The following LRP6 variants were observed in gnomAD, a reference collection of about 807,000 sequenced individuals.
The protein encoded by LRP6 is LDL receptor related protein 6.
LRP6 carries 43 observed loss-of-function variants against 184.1 expected under a neutral mutation model. That is an observed-to-expected ratio of 0.23 (90% confidence interval 0.18 to 0.30). LRP6 has a LOEUF of 0.30. Among genes scored for constraint, LRP6 ranks in the 10% least tolerant of loss-of-function variants. LRP6 has a pLI of 1.00. For missense variants in LRP6, 1,571 were observed against 2,005.3 expected (o/e 0.78, Z 4.14); for synonymous variants, 719 against 684.9 (o/e 1.05, Z -0.78).
At chr12:12,142,683 A>C (rs577540044) in intron 15 of LRP6, among the ~76,000 whole-genome samples, 84 of 152,294 alleles carry the variant, frequency 5.5e-4, no homozygotes, top group Middle Eastern at 3.4e-3. Context: ...ATTATAAGGT[A>C]ATCCTTCTCA....
chr12:12,147,252 T>C, intron 15 of LRP6, 114 bp downstream of exon 15: 2 of 1,174,420 alleles, frequency 1.7e-6, no homozygotes, highest in Non-Finnish European at 2.5e-6. Flanking sequence ...TGACTACATT[T>C]AATGAATAAA....
chr12:12,189,786 C>A (rs1863564794), intron 3 of LRP6, among the ~76,000 whole-genome samples: 1 of 152,210 alleles, frequency 6.6e-6, no homozygotes, highest in African/African-American at 2.4e-5. Flanking sequence ...CAGGCGTGAG[C>A]CACCGAGCCC....
chr12:12,202,404 G>A (rs1863938145), intron 3 of LRP6, among the ~76,000 whole-genome samples: 1 of 152,214 alleles, frequency 6.6e-6, no homozygotes. Context: ...TTAGCCCGGT[G>A]TGATGGCGTG....
chr12:12,116,388 G>C lies in LRP6; in HGVS notation c.*4738C>G, dbSNP rs1397370530. The C allele has an allele frequency of 6.6e-6, 1 of 152,062 alleles. No homozygotes were observed. Among genetic ancestry groups the C allele is most frequent in the Non-Finnish European group, 1.5e-5 (1 of 68,002 alleles). 9.4% of individuals were successfully genotyped at this position (152,062 alleles called of 1,614,324 possible). A position where few individuals can be genotyped will look rare whatever the true frequency, so the allele number is the denominator to read the frequency against. ...AAGGCTAGTCCAGTTTAATCTTCTT[G>C]GTATCCTCTCTACTTTTTAACATTT... is the stretch of plus-strand genomic sequence containing the variant. On this transcript the variant is annotated 3_prime_UTR_variant, in exon 23 of 23. Transcript: ENST00000261349.
intron 1 of LRP6, among the ~76,000 whole-genome samples, chr12:12,245,156 T>C (rs1865154922): frequency 6.6e-6 from 1 of 152,234 alleles, no homozygotes; most frequent in Non-Finnish European, 1.5e-5. Context: ...CAAATGCTCA[T>C]ACCAATTTAT....
chr12:12,256,532 G>C (rs1484533744), intron 1 of LRP6, among the ~76,000 whole-genome samples: 2 of 152,002 alleles, frequency 1.3e-5, no homozygotes, highest in Non-Finnish European at 2.9e-5. Context: ...ACATAGGCCA[G>C]AGTGGTGGCT....
Position 12,151,014 on chromosome 12 carries a change from C to T in LRP6, c.2816G>A (p.Ser939Asn). The T allele has an allele frequency of 6.2e-7, 1 of 1,614,100 alleles. No homozygotes were observed. Among genetic ancestry groups the T allele is most frequent in the Non-Finnish European group, 8.5e-7 (1 of 1,180,006 alleles). Residue 939 changes from serine (S) to asparagine (N), a missense_variant, in exon 13 of 23, where the codon AGT (serine) becomes AAT (asparagine). This residue lies in a region of LRP6 where 763 missense variants were observed against 859.5 expected (regional missense o/e 0.89). Coordinates refer to ENST00000261349, the MANE Select transcript of LRP6 (RefSeq NM_002336.3). The part of the protein sequence containing the change: ...CSAPTTFLLF[S>N]QKSAINRMVI... ...CATGCGGTTGATGGCACTCTTTTGACTGAAGAGCAGGAAAGTCGTAGGAGC... is the reference window on the plus strand; with the variant it reads ...CATGCGGTTGATGGCACTCTTTTGATTGAAGAGCAGGAAAGTCGTAGGAGC...
intron 15 of LRP6, among the ~76,000 whole-genome samples, chr12:12,147,005 A>C (rs1164118989): frequency 6.6e-6 from 1 of 152,208 alleles, no homozygotes; most frequent in Non-Finnish European, 1.5e-5. Flanking sequence ...AGAAAAAATT[A>C]GCTGGGCGCA....
intron 7 of LRP6, among the ~76,000 whole-genome samples, chr12:12,173,765 T>C (rs1863105536): frequency 6.6e-6 from 1 of 152,154 alleles, no homozygotes; most frequent in Non-Finnish European, 1.5e-5. Flanking sequence ...GGATTACAAG[T>C]GTGAGCCACT....
chr12:12,237,385 G>A lies in LRP6; in HGVS notation c.449+6877C>T, dbSNP rs771446582. On this transcript the variant is annotated intron_variant, in intron 2 of 22. Transcript: ENST00000261349. ...AAGGAATAATGGAACTAGAAAAATC[G>A]CTATTTGGCAAACAGCAAACATCAC... Among the ~76,000 whole-genome samples, 62 of 152,146 alleles carry A rather than the reference G, an allele frequency of 4.1e-4. 1 individual carries two copies. Among genetic ancestry groups the A allele is most frequent in the South Asian group, 2.1e-4 (1 of 4,824 alleles).
At position 12,131,097 on chromosome 12, in the gene LRP6, A is replaced by ATTTT. The variant is rs35705276; in HGVS notation, c.3971-208_3971-205dup. On this transcript the variant is annotated intron_variant, in intron 18 of 22. Coordinates refer to ENST00000261349, the MANE Select transcript of LRP6 (RefSeq NM_002336.3). ...AAAATCCAGCAGGAAATTTCCTAAC[A>ATTTT]TTTTTTTTTTTTTTTTTTTTTTTTT... Among the ~76,000 whole-genome samples, 66 of 78,198 alleles carry ATTTT rather than the reference A, an allele frequency of 8.4e-4. 3 individuals are homozygous for ATTTT. Among genetic ancestry groups the ATTTT allele is most frequent in the African/African-American group, 1.0e-3 (26 of 25,106 alleles). 51.3% of individuals were successfully genotyped at this position (78,198 alleles called of 152,430 possible).
chr12:12,151,008 T>G lies in LRP6; in HGVS notation c.2822A>C (p.Lys941Thr). The change falls in exon 13 of 23, where the codon AAG becomes ACG. Residue 941 changes from lysine (K) to threonine (T), a missense_variant. Physicochemically the swap from Lys to Thr is moderately conservative, Grantham distance 78. Around this residue, in one of 4 missense-constraint regions of LRP6, gnomAD observed 763 missense variants for 859.5 expected, o/e 0.89. Transcript: ENST00000261349. Reference sequence around the variant, plus strand: ...AATCACCATGCGGTTGATGGCACTCTTTTGACTGAAGAGCAGGAAAGTCGT... The same window carrying G: ...AATCACCATGCGGTTGATGGCACTCGTTTGACTGAAGAGCAGGAAAGTCGT... ...APTTFLLFSQ[K>T]SAINRMVIDE... is the part of the protein sequence containing the mutation. The G allele has an allele frequency of 6.2e-7, 1 of 1,614,182 alleles. No individual in the cohort carries two copies. Among genetic ancestry groups the G allele is most frequent in the Non-Finnish European group, 8.5e-7 (1 of 1,180,012 alleles).
chr12:12,136,372 G>GA (rs371160129), intron 16 of LRP6, among the ~76,000 whole-genome samples: 2,856 of 152,096 alleles, frequency 0.019, 88 homozygotes, highest in African/African-American at 0.065. Context: ...GTTATTAGAA[G>GA]AAAAAAACTT....
intron 3 of LRP6, among the ~76,000 whole-genome samples, chr12:12,201,526 A>C (rs1863913701): frequency 6.6e-6 from 1 of 151,650 alleles, no homozygotes; most frequent in Non-Finnish European, 1.5e-5. Flanking sequence ...CACCCTGTTA[A>C]ATCTCCCTGC....
At chr12:12,183,260 G>A (rs1316838122) in intron 5 of LRP6, among the ~76,000 whole-genome samples, 2 of 152,170 alleles carry the variant, frequency 1.3e-5, no homozygotes, top group African/African-American at 2.4e-5. Flanking sequence ...TTTCTTACCA[G>A]GTCTTGCTGG....
intron 2 of LRP6, chr12:12,226,765 G>A (rs948054935): frequency 2.6e-5 from 4 of 152,290 alleles, no homozygotes; most frequent in African/African-American, 4.8e-5. Context: ...TTCGTGAAGC[G>A]TTAGTATTTT....
At chr12:12,158,746 C>T (rs1862661690) in intron 12 of LRP6, 83 bp downstream of exon 12, 3 of 1,389,308 alleles carry the variant, frequency 2.2e-6, no homozygotes, top group Non-Finnish European at 3.0e-6. Context: ...CACTATTTAA[C>T]TTTAGAAAAA....
intron 3 of LRP6, among the ~76,000 whole-genome samples, chr12:12,202,121 A>G (rs1343712141): frequency 2.6e-5 from 4 of 152,264 alleles, no homozygotes; most frequent in South Asian, 4.1e-4. Context: ...TAATCTGAGA[A>G]GAAATTCCAT....
intron 20 of LRP6, among the ~76,000 whole-genome samples, chr12:12,126,152 G>A (rs1238227351): frequency 6.6e-6 from 1 of 152,138 alleles, no homozygotes; most frequent in African/African-American, 2.4e-5. Flanking sequence ...AGAGCAACAC[G>A]GCCTACCCAA....
Sources: gnomAD v4.1 joint callset for allele counts (sites outside exome capture counted in the v4.1 genomes callset) on GRCh38, gnomAD v4.1.1 for gene constraint, gnomAD v4.1.1 regional missense constraint, MANE v1.5 for transcripts, NCBI Gene and HGNC (gene_info 2026-07-23, HGNC 2026-07-21) for gene names.